SIPA1L2: variants seen among roughly 807,000 people sequenced by gnomAD.
The protein encoded by SIPA1L2 is signal induced proliferation associated 1 like 2, also known as signal-induced proliferation-associated 1-like protein 2.
A neutral mutation model predicts 163.9 loss-of-function variants in SIPA1L2; 56 were observed. The observed-to-expected ratio is 0.34, with a 90% CI of 0.28 to 0.43. The LOEUF (loss-of-function observed/expected upper bound fraction) is 0.43, where lower values mean the gene tolerates loss of function less well. SIPA1L2 is among the 20% of genes least tolerant of loss of function. SIPA1L2 has a pLI of 1.00. For missense variants in SIPA1L2, 1,974 were observed against 2,193.5 expected, an observed-to-expected ratio of 0.90 and a Z score of 2.00; for synonymous variants, 877 against 865.7, an observed-to-expected ratio of 1.01 and a Z score of -0.23.
intron 22 of SIPA1L2, among the ~76,000 whole-genome samples, chr1:232,401,633 C>T (rs1318760929): frequency 6.6e-6 from 1 of 152,178 alleles, no homozygotes; most frequent in Non-Finnish European, 1.5e-5. Context: ...TGAGCTGTCC[C>T]TACTCCTATC....
intron 1 of SIPA1L2, among the ~76,000 whole-genome samples, chr1:232,628,729 C>G (rs1333445127): frequency 6.6e-6 from 1 of 152,094 alleles, no homozygotes; most frequent in African/African-American, 2.4e-5. Flanking sequence ...AAAATTACAA[C>G]CTAGGCTGCA....
At chr1:232,400,538 C>T (rs1008134655) in intron 22 of SIPA1L2, among the ~76,000 whole-genome samples, 2 of 152,142 alleles carry the variant, frequency 1.3e-5, no homozygotes, top group African/African-American at 4.8e-5. Flanking sequence ...CAGGCCAGAT[C>T]TCCACTACTT....
chr1:232,428,377 T>G, intron 17 of SIPA1L2, 34 bp downstream of exon 17: 1 of 1,397,482 alleles, frequency 7.2e-7, no homozygotes, highest in Non-Finnish European at 9.4e-7. Flanking sequence ...TTTTTAGTGT[T>G]TCTGGTAACT....
chr1:232,610,778 C>T (rs993420887), intron 1 of SIPA1L2, among the ~76,000 whole-genome samples: 3 of 152,090 alleles, frequency 2.0e-5, no homozygotes, highest in Admixed American at 6.5e-5. Context: ...ACAGGCCTGA[C>T]AGCAAGTGAA....
At chr1:232,436,843 C>A (rs1039038432) in intron 15 of SIPA1L2, among the ~76,000 whole-genome samples, 6 of 152,202 alleles carry the variant, frequency 3.9e-5, no homozygotes, top group Admixed American at 3.9e-4. Context: ...TGACTGAATT[C>A]CATGCTGAGC....
intron 2 of SIPA1L2, among the ~76,000 whole-genome samples, chr1:232,521,686 T>TATCA (rs1558242406): frequency 6.6e-6 from 1 of 152,192 alleles, no homozygotes; most frequent in Non-Finnish European, 1.5e-5. Flanking sequence ...GTCGACACAG[T>TATCA]ATCATAACAC....
chr1:232,600,217 T>C (rs902572480), intron 1 of SIPA1L2, among the ~76,000 whole-genome samples: 5 of 152,224 alleles, frequency 3.3e-5, no homozygotes, highest in Admixed American at 3.3e-4. Flanking sequence ...AGGGGCAGTG[T>C]TGGTGACACA....
At chr1:232,525,620 G>A (rs1667668776) in intron 2 of SIPA1L2, among the ~76,000 whole-genome samples, 1 of 152,016 alleles carries the variant, frequency 6.6e-6, no homozygotes, top group African/African-American at 2.4e-5. Flanking sequence ...TTGGTGCACT[G>A]CAAGGCTGCT....
intron 2 of SIPA1L2, among the ~76,000 whole-genome samples, chr1:232,555,148 T>C (rs1308681163): frequency 6.6e-6 from 1 of 152,208 alleles, no homozygotes; most frequent in African/African-American, 2.4e-5. Flanking sequence ...AACAAGTGAC[T>C]CTTCTTTCGA....
intron 3 of SIPA1L2, among the ~76,000 whole-genome samples, chr1:232,499,714 T>C (rs767071611): frequency 1.3e-5 from 2 of 152,202 alleles, no homozygotes; most frequent in African/African-American, 2.4e-5. Context: ...TCAATACAGA[T>C]GAAACAGCCT....
At chr1:232,435,972 G>A (rs183056460) in intron 15 of SIPA1L2, among the ~76,000 whole-genome samples, 4 of 152,184 alleles carry the variant, frequency 2.6e-5, no homozygotes, top group Non-Finnish European at 4.4e-5. Flanking sequence ...AGGAATGTGC[G>A]TGTGTGTGCC....
intron 2 of SIPA1L2, among the ~76,000 whole-genome samples, chr1:232,535,798 A>G (rs531822163): frequency 2.6e-4 from 40 of 152,330 alleles, no homozygotes; most frequent in African/African-American, 9.4e-4. Context: ...TGTATTATGA[A>G]TGTTGAAAAG....
In SIPA1L2 at chr1:232,514,339, A is replaced by G. The variant is rs545267701; in HGVS notation, c.1001T>C (p.Val334Ala). 1 of 1,613,278 alleles carries G rather than the reference A, an allele frequency of 6.2e-7. No individual in the cohort carries two copies. The highest frequency in any genetic ancestry group is 1.1e-5 in the South Asian group (1 of 91,090). Reference sequence around the variant, plus strand: ...GTTGATATTAAACAAAATGCTCTGGACATCATAATGTGCAAAACATCGCTG... The same window carrying G: ...GTTGATATTAAACAAAATGCTCTGGGCATCATAATGTGCAAAACATCGCTG... ...NCQRCFAHYD[V>A]QSILFNINEA... Residue 334 changes from valine (V) to alanine (A), a missense_variant, in exon 3 of 23, where the codon GTC (valine) becomes GCC (alanine). Val to Ala is a moderately conservative substitution (Grantham distance 64, BLOSUM62 0). Transcript: ENST00000674635.
At chr1:232,530,467 T>A (rs1218482060) in intron 2 of SIPA1L2, among the ~76,000 whole-genome samples, 1 of 152,114 alleles carries the variant, frequency 6.6e-6, no homozygotes, top group Non-Finnish European at 1.5e-5. Flanking sequence ...CCATGGAGTT[T>A]CTCCTTTAAG....
At chr1:232,552,739 A>C (rs1486574906) in intron 2 of SIPA1L2, among the ~76,000 whole-genome samples, 1 of 152,240 alleles carries the variant, frequency 6.6e-6, no homozygotes, top group Non-Finnish European at 1.5e-5. Context: ...GTATAAGAGA[A>C]AGAAATAACA....
chr1:232,500,291 G>A (rs1486496116), intron 3 of SIPA1L2, among the ~76,000 whole-genome samples: 1 of 152,218 alleles, frequency 6.6e-6, no homozygotes, highest in Non-Finnish European at 1.5e-5. Flanking sequence ...ATGAATCAGA[G>A]TATTTCTGGC....
At chr1:232,524,378 C>T (rs1185458437) in intron 2 of SIPA1L2, among the ~76,000 whole-genome samples, 1 of 152,196 alleles carries the variant, frequency 6.6e-6, no homozygotes, top group East Asian at 1.9e-4. Flanking sequence ...CAAACACACT[C>T]CCCATGCCGG....
At chr1:232,542,698 G>A (rs138070068) in intron 2 of SIPA1L2, among the ~76,000 whole-genome samples, 1 of 152,316 alleles carries the variant, frequency 6.6e-6, no homozygotes, top group Non-Finnish European at 1.5e-5. Context: ...GAAGGAAAAA[G>A]AAAATGCGCT....
chr1:232,439,111 G>A lies in SIPA1L2; in HGVS notation c.4028C>T (p.Ser1343Phe), dbSNP rs1401813345. ...TCTGCAGTGCTGTGGGGCTTACCTG[G>A]AATGAGAGGATATCTCACTGAGATC... is the stretch of plus-strand genomic sequence containing the variant. Reference protein sequence around the residue: ...MGDLSEISSHSSGSHHSGSPS... With the variant: ...MGDLSEISSHFSGSHHSGSPS... Residue 1343 changes from serine (S) to phenylalanine (F), a missense_variant, in exon 15 of 23, where the codon TCC becomes TTC. Physicochemically the swap from Ser to Phe is radical, Grantham distance 155. This residue lies in a region of SIPA1L2 where 1,079 missense variants were observed against 1,150.7 expected (regional missense o/e 0.94). Coordinates refer to ENST00000674635, the MANE Select transcript of SIPA1L2 (RefSeq NM_020808.5). 1 of 1,601,286 alleles carries A rather than the reference G, an allele frequency of 6.2e-7. No individual in the cohort carries two copies. Among genetic ancestry groups the A allele is most frequent in the Non-Finnish European group, 8.5e-7 (1 of 1,173,332 alleles).
Sources: gnomAD v4.1 joint callset for allele counts (sites outside exome capture counted in the v4.1 genomes callset) on GRCh38, gnomAD v4.1.1 for gene constraint, gnomAD v4.1.1 regional missense constraint, MANE v1.5 for transcripts, NCBI Gene and HGNC (gene_info 2026-07-23, HGNC 2026-07-21) for gene names.